Variants in RNLS observed in about 807,000 individuals in gnomAD.
The protein encoded by RNLS is renalase, FAD dependent amine oxidase.
A neutral mutation model predicts 39.8 loss-of-function variants in RNLS; 39 were observed. The ratio of observed to expected loss-of-function variants is 0.98; its 90% confidence interval spans 0.76 to 1.28. The LOEUF is 1.28. Ranked by LOEUF, RNLS falls within the 50% of genes most tolerant of loss-of-function variation. The probability of loss-of-function intolerance (pLI) is 0.00; values close to 1 mark genes in which losing one functional copy is unlikely to be tolerated. For synonymous variants in RNLS, 147 were observed against 150.7 expected, an observed-to-expected ratio of 0.98 and a Z score of 0.18; for missense variants, 410 against 413.3, an observed-to-expected ratio of 0.99 and a Z score of 0.07.
At chr10:88,279,340 GC>G (rs1842926904), downstream of RNLS, among the ~76,000 whole-genome samples, 2 of 152,054 alleles carry the variant, frequency 1.3e-5, no homozygotes, top group African/African-American at 4.8e-5. Context: ...AATAATAATG[GC>G]CAGCATTTAT....
At chr10:88,203,258 G>A in the RNLS span, among the ~76,000 whole-genome samples, 161 of 11,622 alleles carry the variant, frequency 0.014, 31 homozygotes, top group African/African-American at 0.082. Flanking sequence ...GTGTGTGTGT[G>A]TGTGTGTATG....
At chr10:88,196,489 A>G in the RNLS span, among the ~76,000 whole-genome samples, 1 of 152,214 alleles carries the variant, frequency 6.6e-6, no homozygotes, top group African/African-American at 2.4e-5. Flanking sequence ...TCCCTCCCAC[A>G]AAAGGCAGAG....
chr10:88,478,279 C>T (rs1259194699), intron 4 of RNLS, among the ~76,000 whole-genome samples: 5 of 152,152 alleles, frequency 3.3e-5, no homozygotes, highest in Admixed American at 2.6e-4. Flanking sequence ...ATCTGACTCC[C>T]CACTTTCTCT....
chr10:88,497,098 T>C (rs1488923462), intron 4 of RNLS, among the ~76,000 whole-genome samples: 1 of 152,060 alleles, frequency 6.6e-6, no homozygotes, highest in Non-Finnish European at 1.5e-5. Context: ...GGGTCAGACA[T>C]GGAGTCTGAG....
At chr10:88,532,814 T>C (rs1202194699) in intron 4 of RNLS, among the ~76,000 whole-genome samples, 3 of 151,962 alleles carry the variant, frequency 2.0e-5, no homozygotes, top group Admixed American at 6.6e-5. Flanking sequence ...AAAATAGAGA[T>C]GGCAGAGAAC....
chr10:88,405,794 A>G (rs1267798756), intron 4 of RNLS, among the ~76,000 whole-genome samples: 1 of 151,858 alleles, frequency 6.6e-6, no homozygotes, highest in Non-Finnish European at 1.5e-5. Context: ...TTGCTTTTTA[A>G]CTTGTATTTT....
At chr10:88,188,892 G>A in the RNLS span, among the ~76,000 whole-genome samples, 19 of 152,088 alleles carry the variant, frequency 1.2e-4, no homozygotes, top group Admixed American at 1.2e-3. Flanking sequence ...AAATCTCTGT[G>A]CTTTTTGTAG....
chr10:88,309,258 C>T lies in RNLS; in HGVS notation c.876+5208G>A, dbSNP rs118185520. 826 of 228,974 alleles carry T rather than the reference C, an allele frequency of 3.6e-3. 4 individuals carry two copies. Among genetic ancestry groups the T allele is most frequent in the South Asian group, 0.028 (178 of 6,314 alleles). The allele number at this position is 228,974 out of a possible 1,614,324, so 14.2% of individuals were successfully genotyped here. ...TTTACCCATACAACAAACCTGCACG[C>T]GTACCCCTGAACTTAAAAGTTAAAA... On this transcript the variant is annotated intron_variant, in intron 6 of 6. Coordinates refer to ENST00000331772, the MANE Select transcript of RNLS (RefSeq NM_001031709.3).
At chr10:88,518,924 T>C (rs143767335) in intron 4 of RNLS, among the ~76,000 whole-genome samples, 1,610 of 152,128 alleles carry the variant, frequency 0.011, 22 homozygotes, top group Non-Finnish European at 0.011. Context: ...CTCTTTCCAT[T>C]TGACCCTTGT....
the RNLS span, among the ~76,000 whole-genome samples, chr10:88,190,403 G>A: frequency 8.5e-5 from 13 of 152,180 alleles, no homozygotes; most frequent in Admixed American, 7.2e-4. Flanking sequence ...ACAAACATAG[G>A]AGAAATAGTT....
the RNLS span, among the ~76,000 whole-genome samples, chr10:88,234,669 A>G: frequency 5.3e-5 from 8 of 152,328 alleles, no homozygotes; most frequent in South Asian, 1.7e-3. Context: ...CCTGTAGGAA[A>G]TGTAAAGATA....
At chr10:88,340,903 T>C (rs1847888514) in intron 5 of RNLS, among the ~76,000 whole-genome samples, 1 of 150,038 alleles carries the variant, frequency 6.7e-6, no homozygotes, top group African/African-American at 2.5e-5. Context: ...CTACTAAAAA[T>C]ACAAAATTAG....
At chr10:88,550,690 C>T (rs2134334119) in intron 4 of RNLS, among the ~76,000 whole-genome samples, 1 of 152,298 alleles carries the variant, frequency 6.6e-6, no homozygotes. Flanking sequence ...TTCTCTCTCA[C>T]TCACCCACAT....
the RNLS span, among the ~76,000 whole-genome samples, chr10:88,225,908 G>C: frequency 6.6e-6 from 1 of 150,898 alleles, no homozygotes; most frequent in Non-Finnish European, 1.5e-5. Context: ...ATTTACATCA[G>C]TGTCCTATTT....
intron 4 of RNLS, among the ~76,000 whole-genome samples, chr10:88,368,680 G>A (rs747717752): frequency 1.3e-5 from 2 of 151,970 alleles, no homozygotes. Context: ...TGAAATGTAT[G>A]TTGCATAATT....
chr10:88,531,011 T>C (rs886934479), intron 4 of RNLS, among the ~76,000 whole-genome samples: 1 of 152,092 alleles, frequency 6.6e-6, no homozygotes, highest in Non-Finnish European at 1.5e-5. Flanking sequence ...TAATTCACTT[T>C]ACAAAATAAA....
At chr10:88,251,933 C>A in the RNLS span, among the ~76,000 whole-genome samples, 1 of 152,156 alleles carries the variant, frequency 6.6e-6, no homozygotes, top group East Asian at 1.9e-4. Flanking sequence ...TGCACCACAC[C>A]ACAGTGTATT....
Position 88,411,317 on chromosome 10 carries a change from C to A in RNLS, c.527-48592G>T, listed in dbSNP as rs138634195. On this transcript the variant is annotated intron_variant, in intron 4 of 6. Coordinates refer to ENST00000331772, the MANE Select transcript of RNLS (RefSeq NM_001031709.3). ...CTCCATGTTCTAGAACTTAAATATG[C>A]CCCTATATATTTATTTGCTTTTGAA... 3.0e-3 allele frequency among the ~76,000 whole-genome samples: 453 copies of A among 151,988 alleles called. 2 individuals carry two copies. Among genetic ancestry groups the A allele is most frequent in the African/African-American group, 0.01 (418 of 41,446 alleles).
intron 4 of RNLS, among the ~76,000 whole-genome samples, chr10:88,473,068 C>A (rs1274242706): frequency 6.6e-6 from 1 of 152,286 alleles, no homozygotes. Context: ...GCCTATTGCT[C>A]CTAGGCTACA....
Sources: allele counts gnomAD v4.1 joint callset (sites outside exome capture counted in the v4.1 genomes callset), GRCh38; gene constraint gnomAD v4.1.1; transcripts MANE v1.5; gene names NCBI Gene and HGNC (gene_info 2026-07-23, HGNC 2026-07-21).